PCDHB3: variants seen among roughly 807,000 people sequenced by gnomAD.
PCDHB3 encodes protocadherin beta-3.
For synonymous variants in PCDHB3, 479 were observed against 456.0 expected (o/e 1.05, Z -0.64); for missense variants, 967 against 1,012.1 (o/e 0.96, Z 0.60).
At position 141,101,710 on chromosome 5, in the gene PCDHB3, G is replaced by A. The variant is rs782792165; in HGVS notation, c.1061G>A (p.Ser354Asn). Residue 354 changes from serine (S) to asparagine (N), a missense_variant, in exon 1 of 1, where the codon AGC (serine) becomes AAC (asparagine). Physicochemically the swap from Ser to Asn is conservative, Grantham distance 46. Coordinates refer to ENST00000231130, the MANE Select transcript of PCDHB3 (RefSeq NM_018937.5). The part of the protein sequence containing the change: ...PPELTLSSVN[S>N]PIPENSGETV... The stretch of plus-strand genomic sequence containing the variant: ...GAACTGACCTTGTCTTCAGTAAACA[G>A]CCCTATTCCTGAGAACTCGGGAGAG... 6.2e-7 allele frequency: 1 copy of A among 1,613,908 alleles called. No homozygotes were observed. The highest frequency in any genetic ancestry group is 1.1e-5 in the South Asian group (1 of 91,074).
rs1751999677 is a variant in PCDHB3 at position 141,102,936 on chromosome 5, G to A, written c.2287G>A (p.Glu763Lys). The A allele has an allele frequency of 1.2e-6, 2 of 1,612,472 alleles. No individual in the cohort carries two copies. The highest frequency in any genetic ancestry group is 2.2e-5 in the East Asian group (1 of 44,878). The part of the protein sequence containing the change: ...VCLTGGSGTN[E>K]FKFLKPIIPN... ...TCTGACTGGAGGCTCCGGGACAAAT[G>A]AGTTCAAGTTCCTGAAGCCAATTAT... The change falls in exon 1 of 1, where the codon GAG becomes AAG. Residue 763 changes from glutamate to lysine, a missense_variant. Physicochemically the swap from Glu to Lys is moderately conservative, Grantham distance 56 (BLOSUM62 1). Coordinates refer to ENST00000231130, the MANE Select transcript of PCDHB3 (RefSeq NM_018937.5).
chr5:141,101,539 T>A lies in PCDHB3; in HGVS notation c.890T>A (p.Ile297Asn). Residue 297 changes from isoleucine (I) to asparagine (N), a missense_variant, in exon 1 of 1, where the codon ATT becomes AAT. Physicochemically the swap from Ile to Asn is moderately radical, Grantham distance 149. Coordinates refer to ENST00000231130, the MANE Select transcript of PCDHB3 (RefSeq NM_018937.5). ...CGCAAAACTTTTCAGCTAAATCCAA[T>A]TACTGGTGATATGCAACTGGTCAAA... ...EIRKTFQLNP[I>N]TGDMQLVKYL... The A allele has an allele frequency of 6.2e-7, 1 of 1,614,176 alleles. No individual in the cohort carries two copies. The highest frequency in any genetic ancestry group is 8.5e-7 in the Non-Finnish European group (1 of 1,180,010).
In PCDHB3 at chr5:141,102,014, C is replaced by T. The variant is rs1554272441; in HGVS notation, c.1365C>T (p.Ser455=). The T allele has an allele frequency of 3.1e-6, 5 of 1,613,246 alleles. No individual in the cohort carries two copies. Among genetic ancestry groups the T allele is most frequent in the Non-Finnish European group, 4.2e-6 (5 of 1,180,042 alleles). Residue 455 remains serine, a synonymous_variant, in exon 1 of 1, where the codon TCC becomes TCT. Transcript: ENST00000231130. ...NDNAPAFTQI[S]YTLFVRENNS... is the part of the protein sequence containing the mutation. ...ACGCCCCCGCCTTCACCCAAATCTC[C>T]TACACCCTGTTCGTCCGCGAGAACA...
In PCDHB3 at chr5:141,101,455, T is replaced by C. The variant is rs1751939724; in HGVS notation, c.806T>C (p.Leu269Ser). The part of the protein sequence containing the change: ...SVIVTVSASD[L>S]DTGSFGTISY... ...ATTGTCACTGTCTCGGCTTCTGACTTAGATACAGGAAGTTTTGGGACAATA... is the reference window on the plus strand; with the variant it reads ...ATTGTCACTGTCTCGGCTTCTGACTCAGATACAGGAAGTTTTGGGACAATA... Residue 269 changes from leucine (L) to serine (S), a missense_variant, in exon 1 of 1, where the codon TTA (leucine) becomes TCA (serine). Leu to Ser is a moderately radical substitution (Grantham distance 145). Transcript: ENST00000231130. 6.2e-7 allele frequency: 1 copy of C among 1,614,106 alleles called. No homozygotes were observed. Among genetic ancestry groups the C allele is most frequent in the African/African-American group, 1.3e-5 (1 of 74,944 alleles).
chr5:141,102,255 C>G lies in PCDHB3; in HGVS notation c.1606C>G (p.Arg536Gly). The part of the protein sequence containing the change: ...AFEFRVGATD[R>G]GSPALSSEAL... ...CGAGTTCCGCGTGGGCGCCACAGACCGTGGCTCCCCGGCTTTGAGCAGCGA... is the reference window on the plus strand; with the variant it reads ...CGAGTTCCGCGTGGGCGCCACAGACGGTGGCTCCCCGGCTTTGAGCAGCGA... The change falls in exon 1 of 1, where the codon CGT becomes GGT. Residue 536 changes from arginine to glycine, a missense_variant. Arg to Gly is a moderately radical substitution (Grantham distance 125). Transcript: ENST00000231130. 1.2e-6 allele frequency: 2 copies of G among 1,612,228 alleles called. No individual in the cohort carries two copies. The highest frequency in any genetic ancestry group is 2.7e-5 in the African/African-American group (2 of 75,008).
At position 141,100,737 on chromosome 5, in the gene PCDHB3, T is replaced by A. The variant is rs183428005; in HGVS notation, c.88T>A (p.Ser30Thr). The A allele has an allele frequency of 2.5e-6, 4 of 1,613,910 alleles. No individual in the cohort carries two copies. In the Admixed American group the frequency reaches 6.7e-5, roughly 27 times the overall value. ...GGGAGGGTCTCTGGCTGGGTCCGAGTCAAGACGCTATTCTGTGGCTGAGGA... is the reference window on the plus strand; with the variant it reads ...GGGAGGGTCTCTGGCTGGGTCCGAGACAAGACGCTATTCTGTGGCTGAGGA... ...FLGGSLAGSE[S>T]RRYSVAEEKE... The change falls in exon 1 of 1, where the codon TCA becomes ACA. Residue 30 changes from serine (S) to threonine (T), a missense_variant. Physicochemically the swap from Ser to Thr is moderately conservative, Grantham distance 58. Transcript: ENST00000231130.
chr5:141,102,715 A>G lies in PCDHB3; in HGVS notation c.2066A>G (p.Tyr689Cys). The G allele has an allele frequency of 6.2e-7, 1 of 1,611,718 alleles. No individual in the cohort carries two copies. The highest frequency in any genetic ancestry group is 2.2e-5 in the East Asian group (1 of 44,840). The part of the protein sequence containing the change: ...AQAQADLLTV[Y>C]LVVALASVSS... ...GCCCAGGCCGACTTGCTCACCGTCT[A>G]CCTGGTGGTGGCATTGGCCTCGGTG... Residue 689 changes from tyrosine (Y) to cysteine (C), a missense_variant, in exon 1 of 1, where the codon TAC becomes TGC. Physicochemically the swap from Tyr to Cys is radical, Grantham distance 194 (BLOSUM62 -2). Coordinates refer to ENST00000231130, the MANE Select transcript of PCDHB3 (RefSeq NM_018937.5).
rs782166218 is a variant in PCDHB3 at position 141,100,889 on chromosome 5, G to A, written c.240G>A (p.Gln80=). 1.2e-6 allele frequency: 2 copies of A among 1,614,132 alleles called. No individual in the cohort carries two copies. The highest frequency in any genetic ancestry group is 1.7e-5 in the Admixed American group (1 of 60,018). ...GNKQHFQLSH[Q]TGDLLLNEKL... is the part of the protein sequence containing the mutation. ...AACAGCATTTTCAGCTCAGTCATCA[G>A]ACAGGTGATTTGCTCCTGAATGAGA... Residue 80 remains glutamine (Q), a synonymous_variant, in exon 1 of 1, where the codon CAG becomes CAA. Coordinates refer to ENST00000231130, the MANE Select transcript of PCDHB3 (RefSeq NM_018937.5).
In PCDHB3 at chr5:141,101,289, G is replaced by C. The variant is rs1460840815; in HGVS notation, c.640G>C (p.Ala214Pro). 1.9e-6 allele frequency: 3 copies of C among 1,614,196 alleles called. No homozygotes were observed. The highest frequency in any genetic ancestry group is 2.5e-6 in the Non-Finnish European group (3 of 1,180,042). The change falls in exon 1 of 1, where the codon GCG (alanine) becomes CCG (proline). Residue 214 changes from alanine to proline, a missense_variant. By Grantham distance (27) the Ala-to-Pro change is conservative. Coordinates refer to ENST00000231130, the MANE Select transcript of PCDHB3 (RefSeq NM_018937.5). ...GCCGGAACTCAGCTTAACGCTCACC[G>C]CGCTGGACGGCGGCTCTCCCCCTCG... is the stretch of plus-strand genomic sequence containing the variant. ...EQPELSLTLT[A>P]LDGGSPPRSG...
chr5:141,101,838 G>C lies in PCDHB3; in HGVS notation c.1189G>C (p.Val397Leu), dbSNP rs1554272379. The C allele has an allele frequency of 6.2e-7, 1 of 1,614,114 alleles. No individual in the cohort carries two copies. Among genetic ancestry groups the C allele is most frequent in the Admixed American group, 1.7e-5 (1 of 60,030 alleles). ...TCTCCCCTTCTTCCTGAAACCATCT[G>C]TAGAGAATTTTTACACCCTAGTGTC... The part of the protein sequence containing the change: ...NNLPFFLKPS[V>L]ENFYTLVSEG... Residue 397 changes from valine (V) to leucine (L), a missense_variant, in exon 1 of 1, where the codon GTA becomes CTA. Coordinates refer to ENST00000231130, the MANE Select transcript of PCDHB3 (RefSeq NM_018937.5).
At position 141,101,537 on chromosome 5, in the gene PCDHB3, A is replaced by G. The variant is rs1449893577; in HGVS notation, c.888A>G (p.Pro296=). ...EEIRKTFQLN[P]ITGDMQLVKY... ...TTCGCAAAACTTTTCAGCTAAATCC[A>G]ATTACTGGTGATATGCAACTGGTCA... The change falls in exon 1 of 1, where the codon CCA becomes CCG. Residue 296 remains proline, a synonymous_variant. Transcript: ENST00000231130. The G allele has an allele frequency of 2.5e-6, 4 of 1,614,174 alleles. No individual in the cohort carries two copies. In the Admixed American group the frequency reaches 6.7e-5, roughly 27 times the overall value.
At position 141,102,488 on chromosome 5, in the gene PCDHB3, G is replaced by C. The variant is rs782141270; in HGVS notation, c.1839G>C (p.Gly613=). The C allele has an allele frequency of 1.2e-6, 2 of 1,608,796 alleles. No individual in the cohort carries two copies. Among genetic ancestry groups the C allele is most frequent in the Non-Finnish European group, 1.7e-6 (2 of 1,179,532 alleles). The change falls in exon 1 of 1, where the codon GGG becomes GGC. Residue 613 remains glycine, a synonymous_variant. Coordinates refer to ENST00000231130, the MANE Select transcript of PCDHB3 (RefSeq NM_018937.5). The part of the protein sequence containing the change: ...SYQLLKATEP[G]LFGVWAHNGE... Reference sequence around the variant, plus strand: ...AGCTGCTCAAGGCCACGGAGCCCGGGCTGTTCGGCGTGTGGGCGCACAATG... The same window carrying C: ...AGCTGCTCAAGGCCACGGAGCCCGGCCTGTTCGGCGTGTGGGCGCACAATG...
rs566780663 is a variant in PCDHB3 at position 141,101,203 on chromosome 5, G to T, written c.554G>T (p.Arg185Leu). The T allele has an allele frequency of 3.3e-4, 529 of 1,614,154 alleles. 3 individuals carry two copies. In the South Asian group the frequency reaches 4.8e-3, roughly 15 times the overall value. Residue 185 changes from arginine to leucine, a missense_variant, in exon 1 of 1, where the codon CGT becomes CTT. Arg to Leu is a moderately radical substitution (Grantham distance 102). Transcript: ENST00000231130. ...CACTTCCACGTACTCACTCGCAGTC[G>T]TAGGGACGGAAGGAAGTACCCGGAA... ...NSHFHVLTRS[R>L]RDGRKYPELV...
chr5:141,101,543 T>C lies in PCDHB3; in HGVS notation c.894T>C (p.Thr298=), dbSNP rs1554272312. The change falls in exon 1 of 1, where the codon ACT becomes ACC. Residue 298 remains threonine (T), a synonymous_variant. Coordinates refer to ENST00000231130, the MANE Select transcript of PCDHB3 (RefSeq NM_018937.5). ...IRKTFQLNPI[T]GDMQLVKYLN... is the part of the protein sequence containing the mutation. Reference sequence around the variant, plus strand: ...AAACTTTTCAGCTAAATCCAATTACTGGTGATATGCAACTGGTCAAATATT... The same window carrying C: ...AAACTTTTCAGCTAAATCCAATTACCGGTGATATGCAACTGGTCAAATATT... The C allele has an allele frequency of 6.2e-7, 1 of 1,614,180 alleles. No homozygotes were observed. The highest frequency in any genetic ancestry group is 1.7e-5 in the Admixed American group (1 of 60,024).
In PCDHB3 at chr5:141,102,832, C is replaced by T; in HGVS notation, c.2183C>T (p.Pro728Leu). Residue 728 changes from proline (P) to leucine (L), a missense_variant, in exon 1 of 1, where the codon CCC (proline) becomes CTC (leucine). Pro to Leu is a moderately conservative substitution (Grantham distance 98). Transcript: ENST00000231130. Reference protein sequence around the residue: ...RAASVGRCSVPEGPFPGQMVD... With the variant: ...RAASVGRCSVLEGPFPGQMVD... The stretch of plus-strand genomic sequence containing the variant: ...GCCTCGGTGGGTCGCTGCTCGGTGC[C>T]CGAGGGCCCCTTTCCAGGGCAGATG... The T allele has an allele frequency of 6.2e-7, 1 of 1,612,422 alleles. No homozygotes were observed. Among genetic ancestry groups the T allele is most frequent in the Non-Finnish European group, 8.5e-7 (1 of 1,179,780 alleles).
chr5:141,101,383 C>G lies in PCDHB3; in HGVS notation c.734C>G (p.Pro245Arg). The G allele has an allele frequency of 6.2e-7, 1 of 1,614,144 alleles. No individual in the cohort carries two copies. Among genetic ancestry groups the G allele is most frequent in the Non-Finnish European group, 8.5e-7 (1 of 1,180,024 alleles). Reference sequence around the variant, plus strand: ...GACAATGCACCAGAATTTGCACAGCCGCTCTATGAGGTTGCAGTTCTAGAG... The same window carrying G: ...GACAATGCACCAGAATTTGCACAGCGGCTCTATGAGGTTGCAGTTCTAGAG... ...INDNAPEFAQPLYEVAVLENT... is the reference protein window; with the variant it reads ...INDNAPEFAQRLYEVAVLENT... The change falls in exon 1 of 1, where the codon CCG (proline) becomes CGG (arginine). Residue 245 changes from proline to arginine, a missense_variant. By Grantham distance (103) the Pro-to-Arg change is moderately radical (BLOSUM62 -2). Coordinates refer to ENST00000231130, the MANE Select transcript of PCDHB3 (RefSeq NM_018937.5).
rs782425105 is a variant in PCDHB3, at chr5:141,102,449, C to T, written c.1800C>T (p.Ala600=). 1.6e-4 allele frequency: 265 copies of T among 1,610,070 alleles called. No individual in the cohort carries two copies. The highest frequency in any genetic ancestry group is 1.9e-4 in the Non-Finnish European group (225 of 1,179,618). ...TGGACGGCGACTCGGGCCAGAACGC[C>T]TGGCTGTCGTACCAGCTGCTCAAGG... The part of the protein sequence containing the change: ...VAVDGDSGQN[A]WLSYQLLKAT... Residue 600 remains alanine, a synonymous_variant, in exon 1 of 1, where the codon GCC becomes GCT. Transcript: ENST00000231130.
Position 141,102,546 on chromosome 5 carries a change from C to G in PCDHB3, c.1897C>G (p.Arg633Gly), listed in dbSNP as rs782363295. ...GCGCACCGCCAGGCTGCTGAGCGAGCGCGACGCGGCCAAGCACAGGCTGGT... is the reference window on the plus strand; with the variant it reads ...GCGCACCGCCAGGCTGCTGAGCGAGGGCGACGCGGCCAAGCACAGGCTGGT... ...EVRTARLLSE[R>G]DAAKHRLVVL... Residue 633 changes from arginine to glycine, a missense_variant, in exon 1 of 1, where the codon CGC becomes GGC. Transcript: ENST00000231130. 1.9e-6 allele frequency: 3 copies of G among 1,608,494 alleles called. No individual in the cohort carries two copies. Among genetic ancestry groups the G allele is most frequent in the South Asian group, 1.1e-5 (1 of 90,962 alleles).
chr5:141,101,773 CTG>C lies in PCDHB3; in HGVS notation c.1125_1126del (p.Gly376ArgfsTer10). 1 of 1,614,108 alleles carries C rather than the reference CTG, an allele frequency of 6.2e-7. No individual in the cohort carries two copies. Among genetic ancestry groups the C allele is most frequent in the Non-Finnish European group, 8.5e-7 (1 of 1,180,036 alleles). On this transcript the variant is annotated frameshift_variant, in exon 1 of 1. Transcript: ENST00000231130. LOFTEE classifies it low-confidence loss of function (END_TRUNC). ...GTTTTCAGTGTTTCTGATCTAGACT[CTG>C]GAGACAACGGAAGAGTGATGTGTTC... is the stretch of plus-strand genomic sequence containing the variant.
Sources: gnomAD v4.1 joint callset for allele counts on GRCh38, gnomAD v4.1.1 for gene constraint, MANE v1.5 for transcripts, NCBI Gene and HGNC (gene_info 2026-07-23, HGNC 2026-07-21) for gene names.